The following NPAS3 variants were observed in gnomAD, a reference collection of about 807,000 sequenced individuals.
NPAS3 encodes neuronal PAS domain protein 3.
A neutral mutation model predicts 73.1 loss-of-function variants in NPAS3; 14 were observed. The ratio of observed to expected loss-of-function variants is 0.19; its 90% CI spans 0.13 to 0.30. The LOEUF is 0.30. NPAS3 is among the 10% of genes least tolerant of loss of function. NPAS3 has a pLI of 1.00. For missense variants in NPAS3, 1,096 were observed against 1,250.0 expected (o/e 0.88, Z 1.86); for synonymous variants, 620 against 541.5 (o/e 1.14, Z -2.01).
At chr14:33,381,183 T>C (rs971997656) in intron 4 of NPAS3, among the ~76,000 whole-genome samples, 2 of 152,204 alleles carry the variant, frequency 1.3e-5, no homozygotes, top group African/African-American at 4.8e-5. Context: ...TAATAATGCA[T>C]AGTAAGATCA....
intron 6 of NPAS3, among the ~76,000 whole-genome samples, chr14:33,726,273 T>A (rs1952162): frequency 0.27 from 41,608 of 152,098 alleles, 5,905 homozygotes; most frequent in Middle Eastern, 0.39. Context: ...CATTGGACAC[T>A]CTGATCAATC....
At chr14:33,533,604 T>A (rs1462362479) in intron 4 of NPAS3, among the ~76,000 whole-genome samples, 1 of 152,146 alleles carries the variant, frequency 6.6e-6, no homozygotes, top group Non-Finnish European at 1.5e-5. Flanking sequence ...AATTCATTTT[T>A]AAAAAACACT....
intron 3 of NPAS3, among the ~76,000 whole-genome samples, chr14:33,282,195 G>T (rs909948670): frequency 6.6e-6 from 1 of 152,186 alleles, no homozygotes; most frequent in African/African-American, 2.4e-5. Flanking sequence ...GATTGTCATT[G>T]TTTGTTCAGT....
chr14:33,385,017 G>C (rs2046717592), intron 4 of NPAS3, among the ~76,000 whole-genome samples: 1 of 152,298 alleles, frequency 6.6e-6, no homozygotes. Flanking sequence ...AGCTGGCGCA[G>C]GTGAGCAGGA....
chr14:33,635,517 C>T (rs2058490036), intron 5 of NPAS3, among the ~76,000 whole-genome samples: 1 of 152,212 alleles, frequency 6.6e-6, no homozygotes. Context: ...GTAGAGGCTG[C>T]AGACCCAGAG....
At chr14:33,386,230 C>T (rs1474181406) in intron 4 of NPAS3, among the ~76,000 whole-genome samples, 1 of 151,994 alleles carries the variant, frequency 6.6e-6, no homozygotes, top group Non-Finnish European at 1.5e-5. Flanking sequence ...GTTTTCTACC[C>T]TTTTACATGA....
intron 5 of NPAS3, among the ~76,000 whole-genome samples, chr14:33,669,102 C>A (rs1421145728): frequency 6.6e-6 from 1 of 151,658 alleles, no homozygotes; most frequent in Admixed American, 6.6e-5. Flanking sequence ...GTCTCCTTAC[C>A]ACCAAGGTAA....
chr14:33,419,333 C>G (rs2048280456), intron 4 of NPAS3, among the ~76,000 whole-genome samples: 1 of 151,674 alleles, frequency 6.6e-6, no homozygotes. Context: ...AGTATAACAT[C>G]AACGCATTTT....
chr14:33,220,281 C>T lies in NPAS3; in HGVS notation c.385+4855C>T, dbSNP rs867910936. Among the ~76,000 whole-genome samples, 40 of 152,248 alleles carry T rather than the reference C, an allele frequency of 2.6e-4. 1 individual carries two copies. The highest frequency in any genetic ancestry group is 3.4e-3 in the Middle Eastern group (1 of 294). ...TCTCTACTTCTGTTTTGTCCCAATC[C>T]ATAGTAGGTGGTGGGTACCCAGTGG... On this transcript the variant is annotated intron_variant, in intron 3 of 11. Transcript: ENST00000356141.
intron 4 of NPAS3, among the ~76,000 whole-genome samples, chr14:33,515,220 T>A (rs982812487): frequency 6.6e-6 from 1 of 152,070 alleles, no homozygotes; most frequent in African/African-American, 2.4e-5. Context: ...ATACCTACAA[T>A]TCCCAGCATT....
intron 3 of NPAS3, among the ~76,000 whole-genome samples, chr14:33,257,799 C>T (rs899280548): frequency 6.6e-6 from 1 of 152,046 alleles, no homozygotes; most frequent in Non-Finnish European, 1.5e-5. Context: ...GCCTTTTTGT[C>T]TTTTAATGTG....
chr14:33,699,760 A>C (rs1245433215), intron 6 of NPAS3, among the ~76,000 whole-genome samples: 2 of 152,158 alleles, frequency 1.3e-5, no homozygotes, highest in Non-Finnish European at 2.9e-5. Flanking sequence ...TTTTAAATGT[A>C]GAAGACAGGG....
At chr14:33,093,310 G>T (rs185402534) in intron 2 of NPAS3, among the ~76,000 whole-genome samples, 1,689 of 152,248 alleles carry the variant, frequency 0.011, 29 homozygotes, top group African/African-American at 0.038. Context: ...GTGGGCAAAG[G>T]TTATGAACAG....
intron 3 of NPAS3, among the ~76,000 whole-genome samples, chr14:33,314,867 C>A (rs1196261488): frequency 6.6e-6 from 1 of 152,000 alleles, no homozygotes; most frequent in Non-Finnish European, 1.5e-5. Flanking sequence ...ATGCATTAAT[C>A]TTAATTTTGT....
intron 2 of NPAS3, among the ~76,000 whole-genome samples, chr14:33,069,269 C>T (rs1336269386): frequency 1.3e-5 from 2 of 152,192 alleles, no homozygotes; most frequent in Non-Finnish European, 2.9e-5. Flanking sequence ...AAGTACCTTT[C>T]CCTCGTAAAC....
intron 3 of NPAS3, among the ~76,000 whole-genome samples, chr14:33,239,007 T>TA (rs1403161489): frequency 1.3e-5 from 2 of 151,888 alleles, no homozygotes; most frequent in Non-Finnish European, 2.9e-5. Flanking sequence ...ATGTCAGTCA[T>TA]AAAAAATAAG....
intron 7 of NPAS3, among the ~76,000 whole-genome samples, chr14:33,753,104 G>A (rs1247696514): frequency 4.6e-5 from 7 of 152,112 alleles, no homozygotes; most frequent in Admixed American, 4.6e-4. Flanking sequence ...TTCGAGAAGT[G>A]TTAAAACACT....
chr14:33,463,643 G>T (rs930351739), intron 4 of NPAS3, among the ~76,000 whole-genome samples: 7 of 152,146 alleles, frequency 4.6e-5, no homozygotes, highest in African/African-American at 1.7e-4. Context: ...TGCATCATTG[G>T]TATTATTTTA....
At chr14:33,399,370 A>T (rs2138722969) in intron 4 of NPAS3, among the ~76,000 whole-genome samples, 1 of 152,148 alleles carries the variant, frequency 6.6e-6, no homozygotes, top group Non-Finnish European at 1.5e-5. Flanking sequence ...CCGGTAGAAC[A>T]AGGTAAGGCA....
Sources: gnomAD v4.1 joint callset for allele counts (sites outside exome capture counted in the v4.1 genomes callset) on GRCh38, gnomAD v4.1.1 for gene constraint, MANE v1.5 for transcripts, NCBI Gene and HGNC (gene_info 2026-07-23, HGNC 2026-07-21) for gene names.